ARHGAP26: variants seen among roughly 807,000 people sequenced by gnomAD.
ARHGAP26 encodes the protein rho GTPase-activating protein 26.
In ARHGAP26, 38 loss-of-function variants were observed where a neutral mutation model predicts 104.8. The observed-to-expected ratio is 0.36, with a 90% CI of 0.28 to 0.48. The LOEUF (loss-of-function observed/expected upper bound fraction) is 0.48, where lower values mean the gene tolerates loss of function less well. Among genes scored for constraint, ARHGAP26 ranks in the 20% least tolerant of loss-of-function variants. ARHGAP26 has a pLI of 0.99. For missense variants in ARHGAP26, 704 were observed against 947.9 expected (o/e 0.74, Z 3.38); for synonymous variants, 341 against 340.0 (o/e 1.00, Z -0.03).
Position 142,877,620 on chromosome 5 carries a change from G to A in ARHGAP26, c.313-1754G>A, listed in dbSNP as rs35314. ...CAAGTAGTAGTATGGCTGGGCGAAGGACTTGGGGGTCCTGATTCCCAGGTG... is the reference window on the plus strand; with the variant it reads ...CAAGTAGTAGTATGGCTGGGCGAAGAACTTGGGGGTCCTGATTCCCAGGTG... On this transcript the variant is annotated intron_variant, in intron 3 of 22. Transcript: ENST00000645722. 4.8e-3 allele frequency among the ~76,000 whole-genome samples: 737 copies of A among 152,310 alleles called. 1 individual carries two copies. Among genetic ancestry groups the A allele is most frequent in the Middle Eastern group, 0.017 (5 of 294 alleles).
At chr5:143,145,819 G>C (rs1489868703) in intron 19 of ARHGAP26, among the ~76,000 whole-genome samples, 1 of 152,174 alleles carries the variant, frequency 6.6e-6, no homozygotes, top group East Asian at 1.9e-4. Context: ...GGGCATTAAG[G>C]ATTTGCTAAG....
At chr5:143,030,602 A>AC (rs897690244) in intron 12 of ARHGAP26, among the ~76,000 whole-genome samples, 16 of 128,646 alleles carry the variant, frequency 1.2e-4, no homozygotes, top group African/African-American at 7.8e-4. Flanking sequence ...ATATCATCAC[A>AC]AAAAAAATGA....
At chr5:142,910,595 C>T (rs997310891) in intron 9 of ARHGAP26, among the ~76,000 whole-genome samples, 13 of 152,096 alleles carry the variant, frequency 8.5e-5, no homozygotes, top group Non-Finnish European at 1.5e-4. Context: ...AAAAATTAGC[C>T]GGGTGCAGTG....
chr5:142,994,273 G>C (rs1038982971), intron 11 of ARHGAP26, among the ~76,000 whole-genome samples: 2 of 152,330 alleles, frequency 1.3e-5, no homozygotes, highest in East Asian at 3.9e-4. Context: ...TCCTTGGCAA[G>C]AAATATGGCA....
intron 1 of ARHGAP26, among the ~76,000 whole-genome samples, chr5:142,780,811 A>T (rs1039333895): frequency 6.6e-6 from 1 of 152,126 alleles, no homozygotes; most frequent in Non-Finnish European, 1.5e-5. Flanking sequence ...GGTCTAGGGG[A>T]CACGTTGCCT....
intron 20 of ARHGAP26, among the ~76,000 whole-genome samples, chr5:143,204,894 G>A (rs1808325856): frequency 6.6e-6 from 1 of 151,994 alleles, no homozygotes; most frequent in Non-Finnish European, 1.5e-5. Context: ...CCTGGGTCTG[G>A]GCTGTTCTCT....
intron 1 of ARHGAP26, among the ~76,000 whole-genome samples, chr5:142,787,849 A>G (rs1393589584): frequency 6.6e-6 from 1 of 152,166 alleles, no homozygotes; most frequent in Non-Finnish European, 1.5e-5. Flanking sequence ...GATCATCCCT[A>G]TGTATCATTA....
At chr5:143,001,421 A>G (rs1454821650) in intron 11 of ARHGAP26, among the ~76,000 whole-genome samples, 2 of 152,272 alleles carry the variant, frequency 1.3e-5, no homozygotes, top group African/African-American at 4.8e-5. Flanking sequence ...CTTAAAATTT[A>G]TTAAAAAGCA....
At chr5:143,052,841 G>C (rs368300699) in intron 14 of ARHGAP26, among the ~76,000 whole-genome samples, 1 of 152,134 alleles carries the variant, frequency 6.6e-6, no homozygotes, top group African/African-American at 2.4e-5. Flanking sequence ...AAGGCTGTTG[G>C]TCCTGCAGGA....
intron 1 of ARHGAP26, among the ~76,000 whole-genome samples, chr5:142,821,346 A>G (rs1239902246): frequency 2.3e-5 from 3 of 128,844 alleles, no homozygotes; most frequent in African/African-American, 8.9e-5. Flanking sequence ...CATTTCAAGG[A>G]CTGCCTTACA....
chr5:142,991,239 C>T (rs992104522), intron 11 of ARHGAP26, among the ~76,000 whole-genome samples: 1 of 152,216 alleles, frequency 6.6e-6, no homozygotes, highest in Non-Finnish European at 1.5e-5. Context: ...AGCAAGGCTC[C>T]GTGGGCGTGG....
chr5:143,110,941 T>C (rs1794704422), intron 17 of ARHGAP26, among the ~76,000 whole-genome samples: 1 of 152,234 alleles, frequency 6.6e-6, no homozygotes, highest in Non-Finnish European at 1.5e-5. Flanking sequence ...GTGTTTTCCC[T>C]GTGCATGAGA....
At chr5:142,813,186 C>G (rs985717254) in intron 1 of ARHGAP26, among the ~76,000 whole-genome samples, 2 of 152,120 alleles carry the variant, frequency 1.3e-5, no homozygotes, top group African/African-American at 4.8e-5. Flanking sequence ...CGTGATCCAC[C>G]CGCCTTGGCC....
Position 143,147,316 on chromosome 5 carries a change from A to G in ARHGAP26, c.1923A>G (p.Leu641=). The G allele has an allele frequency of 1.2e-6, 2 of 1,614,040 alleles. No individual in the cohort carries two copies. Among genetic ancestry groups the G allele is most frequent in the South Asian group, 1.1e-5 (1 of 91,062 alleles). The change falls in exon 20 of 23, where the codon TTA becomes TTG. Residue 641 remains leucine (L), a synonymous_variant. Transcript: ENST00000645722. The stretch of plus-strand genomic sequence containing the variant: ...GCATCCTTAATTCCAGCAGCAGCTT[A>G]CAGCCCAACATGAACTCCAGTGACC... ...PNSILNSSSS[L]QPNMNSSDPD...
chr5:143,131,743 G>A (rs1040420734), intron 18 of ARHGAP26, among the ~76,000 whole-genome samples: 2 of 152,174 alleles, frequency 1.3e-5, no homozygotes, highest in Non-Finnish European at 2.9e-5. Flanking sequence ...TTGGCCTCCA[G>A]CTTAGAGATG....
chr5:143,199,102 C>G (rs191932251), intron 20 of ARHGAP26, among the ~76,000 whole-genome samples: 45 of 152,274 alleles, frequency 3.0e-4, no homozygotes, highest in East Asian at 2.7e-3. Context: ...AAACCGAACT[C>G]TGTCATTGTT....
intron 20 of ARHGAP26, chr5:143,170,040 G>A (rs1020160661): frequency 3.9e-5 from 6 of 152,120 alleles, no homozygotes; most frequent in African/African-American, 1.4e-4. Context: ...GGACACAGTT[G>A]ATTCATTTAA....
intron 20 of ARHGAP26, among the ~76,000 whole-genome samples, chr5:143,174,050 G>A (rs1363632669): frequency 2.0e-5 from 3 of 152,144 alleles, no homozygotes; most frequent in Admixed American, 2.0e-4. Flanking sequence ...TCTTCCAATA[G>A]CCTCTCCATG....
chr5:143,045,720 AG>A (rs1784120558), intron 14 of ARHGAP26, among the ~76,000 whole-genome samples: 1 of 152,232 alleles, frequency 6.6e-6, no homozygotes, highest in Non-Finnish European at 1.5e-5. Context: ...ATGGCTGGTC[AG>A]GTGCGGTGGC....
Sources: gnomAD v4.1 joint callset for allele counts (sites outside exome capture counted in the v4.1 genomes callset) on GRCh38, gnomAD v4.1.1 for gene constraint, MANE v1.5 for transcripts, NCBI Gene and HGNC (gene_info 2026-07-23, HGNC 2026-07-21) for gene names.